The following NCKAP5 variants were observed in gnomAD, a reference collection of about 807,000 sequenced individuals.
NCKAP5 encodes the protein nck-associated protein 5.
In NCKAP5, 92 loss-of-function variants were observed where a neutral mutation model predicts 167.0. That is an observed-to-expected ratio of 0.55 (90% CI 0.47 to 0.66). The LOEUF (loss-of-function observed/expected upper bound fraction) is 0.66. Ranked by LOEUF, NCKAP5 falls within the 30% of genes least tolerant of loss-of-function variation. NCKAP5 has a pLI of 0.00. For synonymous variants in NCKAP5, 891 were observed against 877.4 expected, an observed-to-expected ratio of 1.02 and a Z score of -0.27; for missense variants, 2,378 against 2,315.0, an observed-to-expected ratio of 1.03 and a Z score of -0.56.
At chr2:133,306,012 T>C (rs1283822826) in intron 3 of NCKAP5, among the ~76,000 whole-genome samples, 1 of 152,248 alleles carries the variant, frequency 6.6e-6, no homozygotes, top group Non-Finnish European at 1.5e-5. Flanking sequence ...ACCTGTATCA[T>C]TTCTGGACCC....
At chr2:132,947,583 A>C (rs1351606879) in intron 8 of NCKAP5, among the ~76,000 whole-genome samples, 1 of 152,104 alleles carries the variant, frequency 6.6e-6, no homozygotes, top group Admixed American at 6.6e-5. Flanking sequence ...GCTTGTTTTA[A>C]ACCTTTCTAT....
intron 8 of NCKAP5, among the ~76,000 whole-genome samples, chr2:132,896,079 G>A (rs1693179532): frequency 6.6e-6 from 1 of 152,186 alleles, no homozygotes; most frequent in South Asian, 2.1e-4. Flanking sequence ...AGGTTGCAGT[G>A]AGCCAAGATC....
chr2:132,927,333 G>A, intron 8 of NCKAP5, among the ~76,000 whole-genome samples: 1 of 151,898 alleles, frequency 6.6e-6, no homozygotes. Flanking sequence ...GCTTAGAATT[G>A]CTTTGGCTAT....
intron 2 of NCKAP5, among the ~76,000 whole-genome samples, chr2:133,546,937 G>C (rs13005808): frequency 1.3e-5 from 2 of 152,078 alleles, no homozygotes; most frequent in South Asian, 2.1e-4. Flanking sequence ...CACAGAAGAC[G>C]GGTGATTTCT....
intron 6 of NCKAP5, among the ~76,000 whole-genome samples, chr2:133,017,690 T>C (rs11895317): frequency 0.094 from 14,215 of 151,892 alleles, 731 homozygotes; most frequent in Middle Eastern, 0.15. Context: ...TCCTCATGCA[T>C]GCCTTGGGAC....
the NCKAP5 span, among the ~76,000 whole-genome samples, chr2:133,621,197 G>C: frequency 6.6e-6 from 1 of 151,836 alleles, no homozygotes; most frequent in Admixed American, 6.6e-5. Flanking sequence ...ACAATCCAAG[G>C]TCATACCTCA....
intron 6 of NCKAP5, among the ~76,000 whole-genome samples, chr2:133,031,363 G>A (rs1335622942): frequency 2.0e-5 from 3 of 152,060 alleles, no homozygotes; most frequent in Admixed American, 6.5e-5. Flanking sequence ...AAGGAAAACC[G>A]GACCAAACTC....
chr2:133,194,803 A>G (rs537552183), intron 5 of NCKAP5, among the ~76,000 whole-genome samples: 4 of 151,662 alleles, frequency 2.6e-5, no homozygotes, highest in African/African-American at 7.3e-5. Flanking sequence ...CCAGAAAATA[A>G]AGAGGTAATT....
intron 6 of NCKAP5, among the ~76,000 whole-genome samples, chr2:133,085,049 C>A (rs2080939683): frequency 6.6e-6 from 1 of 152,086 alleles, no homozygotes; most frequent in Admixed American, 6.6e-5. Context: ...AATATAAAAA[C>A]CATTTCTTAG....
intron 5 of NCKAP5, among the ~76,000 whole-genome samples, chr2:133,166,787 A>T (rs751304441): frequency 6.6e-6 from 1 of 152,178 alleles, no homozygotes; most frequent in Non-Finnish European, 1.5e-5. Context: ...GCTACCAAAA[A>T]AGGTTTTAAA....
intron 3 of NCKAP5, among the ~76,000 whole-genome samples, chr2:133,420,151 C>G (rs565469813): frequency 3.3e-5 from 5 of 152,268 alleles, no homozygotes; most frequent in African/African-American, 1.2e-4. Flanking sequence ...CACATTTGTC[C>G]ACCCAAAAAT....
At chr2:133,430,742 G>A (rs966827529) in intron 3 of NCKAP5, among the ~76,000 whole-genome samples, 2 of 151,490 alleles carry the variant, frequency 1.3e-5, no homozygotes, top group Non-Finnish European at 2.9e-5. Flanking sequence ...GTCTATTTTT[G>A]TACCAGCACC....
At chr2:133,150,826 G>A (rs890640101) in intron 5 of NCKAP5, among the ~76,000 whole-genome samples, 6 of 152,022 alleles carry the variant, frequency 3.9e-5, no homozygotes, top group African/African-American at 1.5e-4. Flanking sequence ...GCCCCAAAAT[G>A]GAAACAACCC....
intron 11 of NCKAP5, among the ~76,000 whole-genome samples, chr2:132,851,738 A>G (rs529390055): frequency 1.3e-5 from 2 of 152,254 alleles, no homozygotes; most frequent in South Asian, 2.1e-4. Context: ...CGACAGGTTA[A>G]AGATTTGTTC....
intron 8 of NCKAP5, among the ~76,000 whole-genome samples, chr2:132,959,499 C>T (rs918527489): frequency 2.0e-5 from 3 of 152,110 alleles, no homozygotes; most frequent in Non-Finnish European, 4.4e-5. Flanking sequence ...AGGGAACATC[C>T]AGCTTCACTT....
the NCKAP5 span, among the ~76,000 whole-genome samples, chr2:133,600,410 A>C: frequency 1.3e-5 from 2 of 152,186 alleles, no homozygotes; most frequent in Non-Finnish European, 2.9e-5. Context: ...AGAAAAATTC[A>C]GTCCTGGCGC....
intron 7 of NCKAP5, among the ~76,000 whole-genome samples, chr2:132,987,599 A>G (rs2077324986): frequency 6.6e-6 from 1 of 152,224 alleles, no homozygotes; most frequent in Non-Finnish European, 1.5e-5. Flanking sequence ...CAATGACTGA[A>G]AAAAAAGAAC....
chr2:133,050,647 T>C (rs2079568831), intron 6 of NCKAP5, among the ~76,000 whole-genome samples: 1 of 152,240 alleles, frequency 6.6e-6, no homozygotes, highest in African/African-American at 2.4e-5. Flanking sequence ...TCAATGCTGC[T>C]ATTTATTTTC....
At chr2:133,127,504 T>G (rs1027470836) in intron 6 of NCKAP5, among the ~76,000 whole-genome samples, 1 of 152,226 alleles carries the variant, frequency 6.6e-6, no homozygotes, top group African/African-American at 2.4e-5. Flanking sequence ...CACATAATTA[T>G]CTTCTCTTTC....
Sources: gnomAD v4.1 joint callset for allele counts (sites outside exome capture counted in the v4.1 genomes callset) on GRCh38, gnomAD v4.1.1 for gene constraint, MANE v1.5 for transcripts, NCBI Gene and HGNC (gene_info 2026-07-23, HGNC 2026-07-21) for gene names.